PHACTR1: variants seen among roughly 807,000 people sequenced by gnomAD.
PHACTR1 encodes the protein phosphatase and actin regulator 1, also known as RPEL repeat containing 1.
Under a neutral mutation model 69.2 loss-of-function variants are expected in PHACTR1, and 16 were observed. The observed-to-expected ratio is 0.23, with a 90% CI of 0.16 to 0.35. PHACTR1 has a LOEUF of 0.35. PHACTR1 is among the 10% of genes least tolerant of loss of function. The pLI, the probability that PHACTR1 is intolerant of heterozygous loss-of-function variation, is 1.00. For missense variants in PHACTR1, 510 were observed against 734.7 expected (o/e 0.69, Z 3.54); for synonymous variants, 312 against 284.5 (o/e 1.10, Z -0.97).
intron 4 of PHACTR1, among the ~76,000 whole-genome samples, chr6:12,932,463 G>C (rs1371488190): frequency 6.6e-6 from 1 of 151,876 alleles, no homozygotes; most frequent in Non-Finnish European, 1.5e-5. Context: ...TCAATATATA[G>C]GCCTTTTAAA....
chr6:12,981,529 T>A (rs60508218), intron 4 of PHACTR1, among the ~76,000 whole-genome samples: 479 of 152,336 alleles, frequency 3.1e-3, no homozygotes, highest in African/African-American at 0.011. Flanking sequence ...GTAGGAAAAA[T>A]TCCACAAAGC....
At chr6:13,049,248 A>G (rs907413106) in intron 4 of PHACTR1, among the ~76,000 whole-genome samples, 6 of 143,544 alleles carry the variant, frequency 4.2e-5, no homozygotes, top group Non-Finnish European at 8.9e-5. Context: ...TTCTCATGGC[A>G]CTTTTTTTTT....
At chr6:12,736,803 G>C (rs1203771765) in intron 3 of PHACTR1, among the ~76,000 whole-genome samples, 1 of 151,974 alleles carries the variant, frequency 6.6e-6, no homozygotes, top group South Asian at 2.1e-4. Flanking sequence ...TTAAAAAATT[G>C]CTTCTTGGCC....
At chr6:12,810,128 T>C (rs1033241779) in intron 4 of PHACTR1, among the ~76,000 whole-genome samples, 1 of 152,238 alleles carries the variant, frequency 6.6e-6, no homozygotes, top group African/African-American at 2.4e-5. Flanking sequence ...ACGAAATTAA[T>C]CAAATGAAAT....
chr6:13,121,941 A>C (rs879804136), intron 5 of PHACTR1, among the ~76,000 whole-genome samples: 4 of 152,250 alleles, frequency 2.6e-5, no homozygotes, highest in Non-Finnish European at 5.9e-5. Flanking sequence ...CATGAGTTTT[A>C]AATATATATG....
At chr6:12,957,325 C>T in intron 4 of PHACTR1, 1 of 976,686 alleles carries the variant, frequency 1.0e-6, no homozygotes, top group Non-Finnish European at 1.2e-6. Flanking sequence ...TCTGAATCCT[C>T]TCCAGGCTGA....
chr6:13,191,955 T>C (rs373394726), intron 7 of PHACTR1, among the ~76,000 whole-genome samples: 9 of 152,242 alleles, frequency 5.9e-5, no homozygotes, highest in Admixed American at 5.9e-4. Flanking sequence ...TTAAAACAGT[T>C]TTTAAAGGAT....
chr6:13,069,757 A>G (rs2127770594), intron 5 of PHACTR1, among the ~76,000 whole-genome samples: 1 of 152,236 alleles, frequency 6.6e-6, no homozygotes, highest in Middle Eastern at 3.4e-3. Context: ...TGCTCATATT[A>G]CTATGTATTA....
intron 4 of PHACTR1, among the ~76,000 whole-genome samples, chr6:12,903,439 A>G (rs1391410493): frequency 6.6e-6 from 1 of 152,218 alleles, no homozygotes; most frequent in African/African-American, 2.4e-5. Context: ...AAGGTTAAAG[A>G]AGAAGCTAAA....
chr6:13,244,532 G>A (rs1436655017), intron 10 of PHACTR1, among the ~76,000 whole-genome samples: 1 of 152,192 alleles, frequency 6.6e-6, no homozygotes, highest in Non-Finnish European at 1.5e-5. Flanking sequence ...GCCCCGGGGG[G>A]CCAGTTCAAG....
intron 8 of PHACTR1, among the ~76,000 whole-genome samples, chr6:13,219,870 G>C (rs909000113): frequency 5.3e-5 from 8 of 152,106 alleles, no homozygotes; most frequent in Admixed American, 4.6e-4. Flanking sequence ...AAAATGATGG[G>C]CTTTGCTGAT....
chr6:12,863,305 A>T (rs1781125966), intron 4 of PHACTR1, among the ~76,000 whole-genome samples: 1 of 152,208 alleles, frequency 6.6e-6, no homozygotes, highest in South Asian at 2.1e-4. Flanking sequence ...GCTTGCAGAC[A>T]GCTGCCTTCT....
intron 5 of PHACTR1, among the ~76,000 whole-genome samples, chr6:13,092,628 ATG>A: frequency 6.6e-6 from 1 of 152,114 alleles, no homozygotes; most frequent in Admixed American, 6.5e-5. Context: ...TCACCATAAT[ATG>A]GAATCAGTGG....
intron 3 of PHACTR1, among the ~76,000 whole-genome samples, chr6:12,736,225 G>C (rs576726113): frequency 1.3e-3 from 204 of 152,198 alleles, no homozygotes; most frequent in African/African-American, 4.4e-3. Flanking sequence ...ACTGAAAGTT[G>C]GGTTATTATA....
chr6:13,203,378 G>A (rs977942574), intron 7 of PHACTR1, among the ~76,000 whole-genome samples: 3 of 152,166 alleles, frequency 2.0e-5, no homozygotes, highest in Non-Finnish European at 4.4e-5. Flanking sequence ...TTCATCATCT[G>A]TAAACATGAG....
At chr6:13,157,329 T>C (rs1471669248) in intron 5 of PHACTR1, among the ~76,000 whole-genome samples, 1 of 152,262 alleles carries the variant, frequency 6.6e-6, no homozygotes, top group Non-Finnish European at 1.5e-5. Flanking sequence ...CTTGTCCCTT[T>C]TCTTAAGGAG....
At chr6:12,779,001 C>T (rs1161524594) in intron 4 of PHACTR1, among the ~76,000 whole-genome samples, 1 of 152,172 alleles carries the variant, frequency 6.6e-6, no homozygotes, top group Admixed American at 6.5e-5. Flanking sequence ...CGTGATATGA[C>T]ATCCTGCATA....
intron 10 of PHACTR1, among the ~76,000 whole-genome samples, chr6:13,236,435 G>A (rs1406656297): frequency 6.6e-6 from 1 of 152,172 alleles, no homozygotes; most frequent in East Asian, 1.9e-4. Flanking sequence ...TTTAGAGGCT[G>A]GAAGTCTGAG....
intron 4 of PHACTR1, among the ~76,000 whole-genome samples, chr6:12,805,625 G>A (rs897642196): frequency 2.0e-5 from 3 of 147,810 alleles, no homozygotes; most frequent in African/African-American, 7.5e-5. Context: ...TTTTTGGATG[G>A]AGTCTTGCTC....
Sources: gnomAD v4.1 joint callset for allele counts (sites outside exome capture counted in the v4.1 genomes callset) on GRCh38, gnomAD v4.1.1 for gene constraint, MANE v1.5 for transcripts, NCBI Gene and HGNC (gene_info 2026-07-23, HGNC 2026-07-21) for gene names.